HERC1: variants seen among roughly 807,000 people sequenced by gnomAD.
HERC1 encodes HECT and RLD domain containing E3 ubiquitin protein ligase family member 1.
In HERC1, 160 loss-of-function variants were observed where a neutral mutation model predicts 554.3. The observed-to-expected ratio is 0.29, with a 90% CI of 0.25 to 0.33. The LOEUF is 0.33. Ranked by LOEUF, HERC1 falls within the 10% of genes least tolerant of loss-of-function variation. The probability of loss-of-function intolerance (pLI) is 1.00; values close to 1 mark genes in which losing one functional copy is unlikely to be tolerated. For missense variants in HERC1, 4,919 were observed against 5,918.5 expected (o/e 0.83, Z 5.54); for synonymous variants, 2,175 against 2,131.7 (o/e 1.02, Z -0.56).
chr15:63,813,028 C>T (rs1189814238), intron 1 of HERC1, among the ~76,000 whole-genome samples: 1 of 152,102 alleles, frequency 6.6e-6, no homozygotes, highest in Non-Finnish European at 1.5e-5. Flanking sequence ...AAAACACACA[C>T]CTTACCATCA....
intron 1 of HERC1, among the ~76,000 whole-genome samples, chr15:63,781,033 T>C (rs1328898773): frequency 1.3e-5 from 2 of 152,110 alleles, no homozygotes; most frequent in East Asian, 3.8e-4. Flanking sequence ...GGTAATGATA[T>C]AACAAACAAA....
chr15:63,779,309 G>GA (rs1295873998), intron 1 of HERC1, among the ~76,000 whole-genome samples: 1 of 152,014 alleles, frequency 6.6e-6, no homozygotes, highest in African/African-American at 2.4e-5. Flanking sequence ...AAATAGCCTA[G>GA]AAAAACTATT....
At chr15:63,689,024 G>A (rs1195851828) in intron 33 of HERC1, among the ~76,000 whole-genome samples, 5 of 152,104 alleles carry the variant, frequency 3.3e-5, no homozygotes, top group Admixed American at 6.6e-5. Context: ...GAAAAGCCAA[G>A]GATCAAACTC....
rs565246409 is a variant in HERC1 at position 63,821,723 on chromosome 15, T to C, written c.-27+12104A>G. Among the ~76,000 whole-genome samples, 7 of 76,316 alleles carry C rather than the reference T, an allele frequency of 9.2e-5. No homozygotes were observed. The East Asian group carries it at 1.7e-3, about 19-fold the overall frequency. 50.1% of individuals were successfully genotyped at this position (76,316 alleles called of 152,430 possible). On this transcript the variant is annotated intron_variant, in intron 1 of 77. Transcript: ENST00000443617. ...GCCTGGGAGACAGAGTGATACCCTGTCTCAAAAAAAAAAAAAAAAAAAAAA... is the reference window on the plus strand; with the variant it reads ...GCCTGGGAGACAGAGTGATACCCTGCCTCAAAAAAAAAAAAAAAAAAAAAA...
intron 24 of HERC1, among the ~76,000 whole-genome samples, chr15:63,707,442 T>C (rs1303062192): frequency 9.2e-5 from 14 of 152,222 alleles, no homozygotes; most frequent in Non-Finnish European, 7.3e-5. Flanking sequence ...AGAATGGAAG[T>C]ATATTTCTGT....
At chr15:63,691,239 G>A (rs778059007) in intron 31 of HERC1, among the ~76,000 whole-genome samples, 6 of 152,140 alleles carry the variant, frequency 3.9e-5, no homozygotes, top group Non-Finnish European at 7.4e-5. Flanking sequence ...GCTGAGGCGG[G>A]CAGATCACTT....
chr15:63,741,683 G>A (rs1196764739), intron 12 of HERC1, among the ~76,000 whole-genome samples: 1 of 152,116 alleles, frequency 6.6e-6, no homozygotes, highest in Admixed American at 6.5e-5. Flanking sequence ...TATGATGTAA[G>A]GGGCCAACTT....
intron 65 of HERC1, 145 bp from the exon 66 acceptor site, chr15:63,635,033 A>ATT: frequency 1.5e-5 from 7 of 481,550 alleles, no homozygotes; most frequent in Non-Finnish European, 2.1e-5. Context: ...GCTTTTAAAA[A>ATT]TTTTTTTTTT....
At chr15:63,720,369 C>T (rs1280392274) in intron 19 of HERC1, among the ~76,000 whole-genome samples, 4 of 151,950 alleles carry the variant, frequency 2.6e-5, no homozygotes, top group Non-Finnish European at 4.4e-5. Flanking sequence ...TTATTGTCCA[C>T]CCTGCTCCCA....
intron 2 of HERC1, among the ~76,000 whole-genome samples, chr15:63,766,137 C>T (rs2075769022): frequency 6.6e-6 from 1 of 151,816 alleles, no homozygotes; most frequent in Non-Finnish European, 1.5e-5. Context: ...ATTATTAAGG[C>T]TTATTAACTA....
chr15:63,815,641 G>C (rs2077467748), intron 1 of HERC1, among the ~76,000 whole-genome samples: 1 of 152,104 alleles, frequency 6.6e-6, no homozygotes, highest in Admixed American at 6.6e-5. Flanking sequence ...CCTATCAAAA[G>C]TTTCTCCATA....
chr15:63,683,135 C>CAAAAAAA (rs1336396917), intron 34 of HERC1, among the ~76,000 whole-genome samples: 1 of 77,742 alleles, frequency 1.3e-5, no homozygotes. Flanking sequence ...CACTCTGTCT[C>CAAAAAAA]AAAAAAAAAA....
intron 68 of HERC1, among the ~76,000 whole-genome samples, chr15:63,631,744 T>G (rs957578638): frequency 6.6e-6 from 1 of 152,192 alleles, no homozygotes; most frequent in East Asian, 1.9e-4. Flanking sequence ...TTTCGCCATG[T>G]TGGCCAGGCT....
intron 12 of HERC1, among the ~76,000 whole-genome samples, chr15:63,736,658 G>C (rs1407826050): frequency 6.6e-6 from 1 of 151,246 alleles, no homozygotes; most frequent in Non-Finnish European, 1.5e-5. Context: ...ACCCAGGCTG[G>C]AGCACAGTGG....
chr15:63,664,591 A>G lies in HERC1; in HGVS notation c.8559T>C (p.Pro2853=). Residue 2853 remains proline, a synonymous_variant, in exon 43 of 78, where the codon CCT becomes CCC. Coordinates refer to ENST00000443617, the MANE Select transcript of HERC1 (RefSeq NM_003922.4). ...AEMEEGFSES[P]DNLDHTENAA... ...CATTCTCTGTATGATCCAAATTATC[A>G]GGGCTACAAGTGCAAGTGAGAAAGC... 6.2e-7 allele frequency: 1 copy of G among 1,612,178 alleles called. No individual in the cohort carries two copies. Among genetic ancestry groups the G allele is most frequent in the Non-Finnish European group, 8.5e-7 (1 of 1,178,698 alleles).
chr15:63,672,331 G>A (rs1440258206), intron 39 of HERC1, among the ~76,000 whole-genome samples, 165 bp downstream of exon 39: 1 of 152,096 alleles, frequency 6.6e-6, no homozygotes, highest in African/African-American at 2.4e-5. Context: ...AACTTCTGAG[G>A]GACATTTCCA....
At chr15:63,809,329 A>T (rs993978137) in intron 1 of HERC1, among the ~76,000 whole-genome samples, 1 of 152,348 alleles carries the variant, frequency 6.6e-6, no homozygotes, top group South Asian at 2.1e-4. Context: ...TGTTAATTTT[A>T]ATAAAGGTAT....
chr15:63,754,486 T>C lies in HERC1; in HGVS notation c.1774+19A>G. The C allele has an allele frequency of 6.5e-7, 1 of 1,548,228 alleles. No individual in the cohort carries two copies. The highest frequency in any genetic ancestry group is 8.7e-7 in the Non-Finnish European group (1 of 1,149,682). The stretch of plus-strand genomic sequence containing the variant: ...TCAAGAAAAAAGCCAAAGCTACTGA[T>C]AAATAATTTTTTACATACCATTGTC... On this transcript the variant is annotated intron_variant, in intron 7 of 77. Coordinates refer to ENST00000443617, the MANE Select transcript of HERC1 (RefSeq NM_003922.4).
intron 19 of HERC1, among the ~76,000 whole-genome samples, 183 bp downstream of exon 19, chr15:63,722,999 T>G (rs1455681039): frequency 6.6e-6 from 1 of 152,022 alleles, no homozygotes; most frequent in Non-Finnish European, 1.5e-5. Context: ...TACATGTATA[T>G]AAAAAATAGT....
Sources: allele counts gnomAD v4.1 joint callset (sites outside exome capture counted in the v4.1 genomes callset), GRCh38; gene constraint gnomAD v4.1.1; transcripts MANE v1.5; gene names NCBI Gene and HGNC (gene_info 2026-07-23, HGNC 2026-07-21).